PRKCH: variants seen among roughly 807,000 people sequenced by gnomAD.
The protein encoded by PRKCH is protein kinase C eta.
In PRKCH, 28 loss-of-function variants were observed where a neutral mutation model predicts 82.5. The ratio of observed to expected loss-of-function variants is 0.34; its 90% CI spans 0.25 to 0.47. PRKCH has a LOEUF of 0.47. PRKCH is among the 20% of genes least tolerant of loss of function. The probability of loss-of-function intolerance (pLI) is 1.00; values close to 1 mark genes in which losing one functional copy is unlikely to be tolerated. For synonymous variants in PRKCH, 322 were observed against 327.4 expected (o/e 0.98, Z 0.18); for missense variants, 705 against 881.8 (o/e 0.80, Z 2.54).
intron 1 of PRKCH, among the ~76,000 whole-genome samples, chr14:61,336,964 G>A (rs2045865066): frequency 6.6e-6 from 1 of 151,570 alleles, no homozygotes; most frequent in South Asian, 2.1e-4. Flanking sequence ...AGCTACTTGG[G>A]AGGCTGAGGC....
intron 1 of PRKCH, among the ~76,000 whole-genome samples, chr14:61,225,892 C>G (rs2044693123): frequency 6.6e-6 from 1 of 152,122 alleles, no homozygotes; most frequent in East Asian, 1.9e-4. Context: ...GTGTGTGCCA[C>G]CAACACTCGG....
chr14:61,205,793 C>G (rs1289209844), intron 1 of PRKCH, among the ~76,000 whole-genome samples: 1 of 152,172 alleles, frequency 6.6e-6, no homozygotes, highest in Admixed American at 6.5e-5. Context: ...ATTCCTTGGT[C>G]GGGAGATTCT....
intron 1 of PRKCH, among the ~76,000 whole-genome samples, chr14:61,190,193 G>A (rs1015248183): frequency 6.6e-6 from 1 of 152,124 alleles, no homozygotes; most frequent in African/African-American, 2.4e-5. Flanking sequence ...ATAATAATAA[G>A]TTATGGTGCT....
At chr14:61,355,890 G>A (rs970568759) in intron 1 of PRKCH, among the ~76,000 whole-genome samples, 19 of 152,184 alleles carry the variant, frequency 1.2e-4, no homozygotes, top group African/African-American at 4.6e-4. Flanking sequence ...AGGCAGCAAC[G>A]TCAGGCCCGT....
intron 10 of PRKCH, among the ~76,000 whole-genome samples, chr14:61,501,816 A>C (rs1886921352): frequency 6.6e-6 from 1 of 152,144 alleles, no homozygotes; most frequent in Admixed American, 6.5e-5. Context: ...TGAATGCTAA[A>C]TCCTCTTCAT....
intron 1 of PRKCH, among the ~76,000 whole-genome samples, chr14:61,253,047 T>C (rs1415028829): frequency 1.3e-5 from 2 of 152,216 alleles, no homozygotes; most frequent in Non-Finnish European, 2.9e-5. Flanking sequence ...GTGGTGCTTT[T>C]GGAGGAGGAG....
chr14:61,328,362 A>G (rs1446876818), intron 1 of PRKCH, among the ~76,000 whole-genome samples: 1 of 130,822 alleles, frequency 7.6e-6, no homozygotes, highest in Non-Finnish European at 1.7e-5. Flanking sequence ...CCCTGCTCTT[A>G]CGTCATTTTA....
At chr14:61,519,322 A>C (rs1325844637) in intron 10 of PRKCH, among the ~76,000 whole-genome samples, 1 of 151,372 alleles carries the variant, frequency 6.6e-6, no homozygotes, top group Non-Finnish European at 1.5e-5. Context: ...TGAATGAATA[A>C]ATAAAATTTT....
intron 1 of PRKCH, among the ~76,000 whole-genome samples, chr14:61,261,103 AC>A (rs2045039895): frequency 6.6e-6 from 1 of 152,182 alleles, no homozygotes; most frequent in Non-Finnish European, 1.5e-5. Flanking sequence ...ACCACCACCA[AC>A]AAAAAAACCA....
chr14:61,439,397 A>C (rs1175772869), intron 2 of PRKCH, among the ~76,000 whole-genome samples: 1 of 152,162 alleles, frequency 6.6e-6, no homozygotes, highest in Non-Finnish European at 1.5e-5. Flanking sequence ...TCTTTATGTG[A>C]CCAAATGTCT....
intron 9 of PRKCH, among the ~76,000 whole-genome samples, chr14:61,481,295 G>A (rs1229677256): frequency 6.6e-6 from 1 of 152,204 alleles, no homozygotes; most frequent in Non-Finnish European, 1.5e-5. Context: ...CGTAAAGCCT[G>A]CGCACCAGGC....
intron 2 of PRKCH, among the ~76,000 whole-genome samples, chr14:61,420,874 C>T (rs1406541563): frequency 6.6e-6 from 1 of 152,148 alleles, no homozygotes; most frequent in Non-Finnish European, 1.5e-5. Flanking sequence ...AGTGCCACTG[C>T]CATGGGCTGG....
At position 61,511,824 on chromosome 14, in the gene PRKCH, CA is replaced by C. The variant is rs1416666734; in HGVS notation, c.1434-17246del. Among the ~76,000 whole-genome samples, 6 of 152,260 alleles carry C rather than the reference CA, an allele frequency of 3.9e-5. No homozygotes were observed. In the East Asian group the frequency reaches 1.2e-3, roughly 29 times the overall value. On this transcript the variant is annotated intron_variant, in intron 10 of 13. Transcript: ENST00000332981. ...CAGGAATCTGTCACGCAACCCAGAT[CA>C]AAAACTTCAAGTTCACTTCTGTGTC...
intron 1 of PRKCH, among the ~76,000 whole-genome samples, chr14:61,258,023 C>A (rs1432823900): frequency 6.6e-6 from 1 of 151,850 alleles, no homozygotes; most frequent in Non-Finnish European, 1.5e-5. Flanking sequence ...GGCTGGCGAC[C>A]AAGAGAGAAA....
chr14:61,244,026 G>A (rs537262443), intron 1 of PRKCH, among the ~76,000 whole-genome samples: 30 of 152,032 alleles, frequency 2.0e-4, no homozygotes, highest in African/African-American at 5.3e-4. Flanking sequence ...GCACATCACC[G>A]CAGCCTGGCT....
At chr14:61,327,504 G>A (rs375873569) in intron 1 of PRKCH, among the ~76,000 whole-genome samples, 14 of 152,166 alleles carry the variant, frequency 9.2e-5, no homozygotes, top group South Asian at 6.2e-4. Flanking sequence ...GCTATGTAGC[G>A]TCTTCATTTT....
chr14:61,450,747 G>C, intron 5 of PRKCH, 95 bp from the exon 6 acceptor site: 1 of 1,444,816 alleles, frequency 6.9e-7, no homozygotes, highest in South Asian at 1.3e-5. Flanking sequence ...AGGTGTCATA[G>C]TGACACTTTG....
At position 61,450,968 on chromosome 14, in the gene PRKCH, A is replaced by G. The variant is rs1309676452; in HGVS notation, c.829A>G (p.Lys277Glu). Residue 277 changes from lysine to glutamate, a missense_variant, in exon 6 of 14, where the codon AAA becomes GAA. Around this residue, in one of 5 missense-constraint regions of PRKCH, gnomAD observed 238 missense variants for 258.1 expected, o/e 0.92. Transcript: ENST00000332981. ...WGIMRQGLQC[K>E]ICKMNVHIRC... ...AATAATGCGACAAGGACTTCAGTGTAAAAGTGAGATGCTGAGGTGCTGGGT... is the reference window on the plus strand; with the variant it reads ...AATAATGCGACAAGGACTTCAGTGTGAAAGTGAGATGCTGAGGTGCTGGGT... 5 of 1,613,704 alleles carry G rather than the reference A, an allele frequency of 3.1e-6. No individual in the cohort carries two copies.
intron 9 of PRKCH, among the ~76,000 whole-genome samples, chr14:61,471,265 A>C (rs940234809): frequency 3.3e-5 from 5 of 150,172 alleles, no homozygotes; most frequent in African/African-American, 1.2e-4. Context: ...CTTTTTAAAG[A>C]GGAGTGGCCA....
Sources: gnomAD v4.1 joint callset for allele counts (sites outside exome capture counted in the v4.1 genomes callset) on GRCh38, gnomAD v4.1.1 for gene constraint, gnomAD v4.1.1 regional missense constraint, MANE v1.5 for transcripts, NCBI Gene and HGNC (gene_info 2026-07-23, HGNC 2026-07-21) for gene names.